The following ZNF777 variants were observed in gnomAD, a reference collection of about 807,000 sequenced individuals.
ZNF777 encodes the protein zinc finger protein 777.
ZNF777 carries 7 observed loss-of-function variants against 72.1 expected under a neutral mutation model. The observed-to-expected ratio is 0.10, with a 90% CI of 0.06 to 0.18. The LOEUF is 0.18. Ranked by LOEUF, ZNF777 falls within the 10% of genes least tolerant of loss-of-function variation. ZNF777 has a pLI of 1.00. For synonymous variants in ZNF777, 545 were observed against 483.5 expected, an observed-to-expected ratio of 1.13 and a Z score of -1.67; for missense variants, 828 against 1,128.6, an observed-to-expected ratio of 0.73 and a Z score of 3.82.
intron 5 of ZNF777, among the ~76,000 whole-genome samples, chr7:149,434,424 T>C (rs144947595): frequency 6.6e-6 from 1 of 152,254 alleles, no homozygotes; most frequent in East Asian, 1.9e-4. Flanking sequence ...TGGAGCGTGA[T>C]GCCTAAAAGA....
Position 149,431,702 on chromosome 7 carries a change from G to A in ZNF777, c.*74C>T, listed in dbSNP as rs1799308936. 8.5e-7 allele frequency: 1 copy of A among 1,169,916 alleles called. No individual in the cohort carries two copies. Among genetic ancestry groups the A allele is most frequent in the Non-Finnish European group, 1.1e-6 (1 of 942,138 alleles). The allele number at this position is 1,169,916 out of a possible 1,614,324, so 72.5% of individuals were successfully genotyped here. ...GGGGGCGCCCCGCCCCCGCCCGCTGGGCTCGGGCCTGGCGGTGTCCGAGGG... is the reference window on the plus strand; with the variant it reads ...GGGGGCGCCCCGCCCCCGCCCGCTGAGCTCGGGCCTGGCGGTGTCCGAGGG... On this transcript the variant is annotated 3_prime_UTR_variant, in exon 6 of 6. Coordinates refer to ENST00000247930, the MANE Select transcript of ZNF777 (RefSeq NM_015694.3).
In ZNF777 at chr7:149,431,722, C is replaced by T. The variant is rs752932982; in HGVS notation, c.*54G>A. 6.6e-5 allele frequency: 82 copies of T among 1,251,112 alleles called. No homozygotes were observed. The African/African-American group carries it at 1.2e-3, about 18-fold the overall frequency. 77.5% of individuals were successfully genotyped at this position (1,251,112 alleles called of 1,614,324 possible). On this transcript the variant is annotated 3_prime_UTR_variant, in exon 6 of 6. Transcript: ENST00000247930. Reference sequence around the variant, plus strand: ...CGCTGGGCTCGGGCCTGGCGGTGTCCGAGGGGGGGCACGGCCCGCGCACCT... The same window carrying T: ...CGCTGGGCTCGGGCCTGGCGGTGTCTGAGGGGGGGCACGGCCCGCGCACCT...
At chr7:149,454,266 C>T (rs1486149784) in intron 2 of ZNF777, 29 bp from the exon 3 acceptor site, 2 of 1,613,218 alleles carry the variant, frequency 1.2e-6, no homozygotes, top group Admixed American at 3.3e-5. Context: ...TCGGCTCAGA[C>T]CCGCTGGAAG....
Position 149,432,157 on chromosome 7 carries a change from G to A in ZNF777, c.2115C>T (p.Arg705=). The stretch of plus-strand genomic sequence containing the variant: ...GCTGGTGGCGCAGCAGGTGCGAGGG[G>A]CGGCTGAAGCTCTTGCCGCACAGGC... The part of the protein sequence containing the change: ...ICSLCGKSFS[R]PSHLLRHQRT... Residue 705 remains arginine (R), a synonymous_variant, in exon 6 of 6, where the codon CGC becomes CGT. Transcript: ENST00000247930. 1 of 1,604,670 alleles carries A rather than the reference G, an allele frequency of 6.2e-7. No homozygotes were observed. The highest frequency in any genetic ancestry group is 8.5e-7 in the Non-Finnish European group (1 of 1,179,840).
intron 3 of ZNF777, among the ~76,000 whole-genome samples, chr7:149,451,743 A>T (rs574695604): frequency 1.3e-5 from 2 of 152,164 alleles, no homozygotes; most frequent in Non-Finnish European, 2.9e-5. Flanking sequence ...AAAAGCCATA[A>T]AATATCGATA....
At position 149,432,658 on chromosome 7, in the gene ZNF777, C is replaced by T. The variant is rs750458452; in HGVS notation, c.1614G>A (p.Arg538=). The T allele has an allele frequency of 3.7e-6, 6 of 1,613,540 alleles. No individual in the cohort carries two copies. The highest frequency in any genetic ancestry group is 5.1e-6 in the Non-Finnish European group (6 of 1,179,736). The change falls in exon 6 of 6, where the codon CGG becomes CGA. Residue 538 remains arginine (R), a synonymous_variant. Coordinates refer to ENST00000247930, the MANE Select transcript of ZNF777 (RefSeq NM_015694.3). ...TGAAGGGCCGCTCGCCGCGCCGGTTCCGCTGCTGCTGGCTCGAGGCCCCGC... is the reference window on the plus strand; with the variant it reads ...TGAAGGGCCGCTCGCCGCGCCGGTTTCGCTGCTGCTGGCTCGAGGCCCCGC... ...ENRGASSQQQ[R]NRRGERPFTC... is the part of the protein sequence containing the mutation.
rs975764987 is a variant in ZNF777 at position 149,437,787 on chromosome 7, A to C, written c.1088-961T>G. On this transcript the variant is annotated intron_variant, in intron 4 of 5. Transcript: ENST00000247930. ...TATTCTAAACAACACATACACATTT[A>C]TATGTTTGTTTCTTTTTCTTTTTTT... is the stretch of plus-strand genomic sequence containing the variant. 4.6e-5 allele frequency among the ~76,000 whole-genome samples: 5 copies of C among 107,824 alleles called. 1 individual carries two copies. The highest frequency in any genetic ancestry group is 3.6e-4 in the Admixed American group (4 of 11,230). The allele number at this position is 107,824 out of a possible 152,430, so 70.7% of individuals were successfully genotyped here.
intron 1 of ZNF777, among the ~76,000 whole-genome samples, chr7:149,457,051 G>C (rs1217641854): frequency 2.0e-5 from 3 of 152,162 alleles, no homozygotes; most frequent in African/African-American, 4.8e-5. Context: ...GGCCTGGAAG[G>C]ATGGGGAAGT....
chr7:149,432,337 G>A lies in ZNF777; in HGVS notation c.1935C>T (p.Phe645=), dbSNP rs770249205. 1.2e-6 allele frequency: 2 copies of A among 1,610,898 alleles called. No individual in the cohort carries two copies. The highest frequency in any genetic ancestry group is 1.7e-6 in the Non-Finnish European group (2 of 1,179,090). ...PYKCPECDSS[F]SHKSSLTKHQ... is the part of the protein sequence containing the mutation. ...GTTTGGTCAGGCTGGACTTGTGGCT[G>A]AAGCTGCTGTCGCACTCGGGGCACT... Residue 645 remains phenylalanine, a synonymous_variant, in exon 6 of 6, where the codon TTC becomes TTT. Coordinates refer to ENST00000247930, the MANE Select transcript of ZNF777 (RefSeq NM_015694.3).
In ZNF777 at chr7:149,460,698, A is replaced by C. The variant is rs1799932629; in HGVS notation, c.-16+117T>G. ...CCATCTACAGCCGGTAGGAGCGAAC[A>C]GTGTCGAGCGAGCCGCCCGGCGGCG... On this transcript the variant is annotated intron_variant, in intron 1 of 5. Coordinates refer to ENST00000247930, the MANE Select transcript of ZNF777 (RefSeq NM_015694.3). This position sits in a 1 kb window ranked among gnomAD's most constrained non-coding sequence, Gnocchi z 6.1. The C allele has an allele frequency of 6.6e-6, 1 of 151,928 alleles. No individual in the cohort carries two copies. The highest frequency in any genetic ancestry group is 2.4e-5 in the African/African-American group (1 of 41,352). The allele number at this position is 151,928 out of a possible 1,614,324, so 9.4% of individuals were successfully genotyped here.
At chr7:149,459,509 G>A (rs901083169) in intron 1 of ZNF777, among the ~76,000 whole-genome samples, 2 of 151,854 alleles carry the variant, frequency 1.3e-5, no homozygotes, top group African/African-American at 4.8e-5. Context: ...GGCCTCCCCC[G>A]CCGCCCCCGA....
rs941128320 is a variant in ZNF777 at position 149,436,706 on chromosome 7, A to C, written c.1208T>G (p.Leu403Arg). ...TGGCTGTTCCCCACAGGGGTCACCC[A>C]GCTCTGAGTCCTGGAAGCCGTGCTC... ...VEEHGFQDSE[L>R]GDPCGEQPDL... The change falls in exon 5 of 6, where the codon CTG becomes CGG. Residue 403 changes from leucine to arginine, a missense_variant. Leu to Arg is a moderately radical substitution (Grantham distance 102). This residue lies in a region of ZNF777 where 219 missense variants were observed against 223.0 expected (regional missense o/e 0.98). Coordinates refer to ENST00000247930, the MANE Select transcript of ZNF777 (RefSeq NM_015694.3). This position sits in a 1 kb window ranked among gnomAD's most constrained non-coding sequence, Gnocchi z 5.0. 10 of 1,614,022 alleles carry C rather than the reference A, an allele frequency of 6.2e-6. No individual in the cohort carries two copies. Among genetic ancestry groups the C allele is most frequent in the Non-Finnish European group, 8.5e-6 (10 of 1,180,032 alleles).
In ZNF777 at chr7:149,442,300, CACAG is replaced by C. The variant is rs1016250069; in HGVS notation, c.1088-5478_1088-5475del. Among the ~76,000 whole-genome samples the C allele has an allele frequency of 4.0e-5, 6 of 149,812 alleles. No individual in the cohort carries two copies. In the East Asian group the frequency reaches 5.9e-4, roughly 15 times the overall value. On this transcript the variant is annotated intron_variant, in intron 4 of 5. Transcript: ENST00000247930. ...ACACACACACACACACACACACACACACAGACACACACACAAAATATAAAAGTAA... is the reference window on the plus strand; with the variant it reads ...ACACACACACACACACACACACACACACACACACACAAAATATAAAAGTAA...
At chr7:149,459,389 G>A (rs1389418926) in intron 1 of ZNF777, among the ~76,000 whole-genome samples, 1 of 152,206 alleles carries the variant, frequency 6.6e-6, no homozygotes, top group Non-Finnish European at 1.5e-5. Context: ...CATCTGTCAG[G>A]GCACTCAAAG....
intron 4 of ZNF777, 76 bp downstream of exon 4, chr7:149,450,923 T>C: frequency 1.5e-6 from 2 of 1,344,422 alleles, no homozygotes; most frequent in Non-Finnish European, 2.1e-6. Flanking sequence ...CCTTGGATTG[T>C]GCTGCCTCAT....
rs1295944994 is a variant in ZNF777 at position 149,448,577 on chromosome 7, A to AGTTATATATATAGTTAT, written c.1087+2421_1087+2422insATAACTATATATATAAC. 5.1e-4 allele frequency among the ~76,000 whole-genome samples: 30 copies of AGTTATATATATAGTTAT among 58,916 alleles called. No individual in the cohort carries two copies. The East Asian group carries it at 8.5e-3, about 17-fold the overall frequency. The allele number at this position is 58,916 out of a possible 152,430, so 38.7% of individuals were successfully genotyped here. On this transcript the variant is annotated intron_variant, in intron 4 of 5. Coordinates refer to ENST00000247930, the MANE Select transcript of ZNF777 (RefSeq NM_015694.3). ...CATATAGTTATATAGTTATACATAT[A>AGTTATATATATAGTTAT]ACTATATATATATATATATATATAT...
intron 4 of ZNF777, among the ~76,000 whole-genome samples, chr7:149,438,820 G>A (rs144458646): frequency 3.3e-5 from 5 of 152,180 alleles, no homozygotes; most frequent in South Asian, 2.1e-4. Flanking sequence ...CTTCGGATGC[G>A]CGGCACTCCT....
chr7:149,460,121 A>G lies in ZNF777; in HGVS notation c.-16+694T>C, dbSNP rs947532952. 1.0e-6 allele frequency: 1 copy of G among 980,802 alleles called. No homozygotes were observed. The highest frequency in any genetic ancestry group is 1.2e-6 in the Non-Finnish European group (1 of 828,306). 60.8% of individuals were successfully genotyped at this position (980,802 alleles called of 1,614,324 possible). ...GTCCGTGCGCGCGCGGGCCGCCCTCACAGGAGCCGGGGCCGCCTCGGCCAT... is the reference window on the plus strand; with the variant it reads ...GTCCGTGCGCGCGCGGGCCGCCCTCGCAGGAGCCGGGGCCGCCTCGGCCAT... On this transcript the variant is annotated intron_variant, in intron 1 of 5. Transcript: ENST00000247930. The surrounding 1 kb of genome is among the most constrained non-coding windows in gnomAD (Gnocchi z 6.1).
Position 149,432,283 on chromosome 7 carries a change from G to C in ZNF777, c.1989C>G (p.Pro663=). The C allele has an allele frequency of 6.2e-7, 1 of 1,610,294 alleles. No homozygotes were observed. ...TCTTCTTGCACTCGGGGCACGTGTAGGGCCGCTCACCCGTGTGCGTGATCT... is the reference window on the plus strand; with the variant it reads ...TCTTCTTGCACTCGGGGCACGTGTACGGCCGCTCACCCGTGTGCGTGATCT... ...KHQITHTGER[P]YTCPECKKSF... is the part of the protein sequence containing the mutation. Residue 663 remains proline, a synonymous_variant, in exon 6 of 6, where the codon CCC becomes CCG. Coordinates refer to ENST00000247930, the MANE Select transcript of ZNF777 (RefSeq NM_015694.3).
Sources: gnomAD v4.1 joint callset for allele counts (sites outside exome capture counted in the v4.1 genomes callset) on GRCh38, gnomAD v4.1.1 for gene constraint, gnomAD v4.1.1 regional missense constraint, Gnocchi (gnomAD v3.1) non-coding constraint, MANE v1.5 for transcripts, NCBI Gene and HGNC (gene_info 2026-07-23, HGNC 2026-07-21) for gene names.